The following UST variants were observed in gnomAD, a reference collection of about 807,000 sequenced individuals.
UST encodes chondroitin sulfate 2-O-sulfotransferase.
A neutral mutation model predicts 45.6 loss-of-function variants in UST; 21 were observed. The observed-to-expected ratio is 0.46, with a 90% confidence interval of 0.33 to 0.66. The LOEUF (loss-of-function observed/expected upper bound fraction) is 0.66, where lower values mean the gene tolerates loss of function less well. Ranked by LOEUF, UST falls within the 30% of genes least tolerant of loss-of-function variation. UST has a pLI of 0.02. For missense variants in UST, 463 were observed against 512.4 expected, an observed-to-expected ratio of 0.90 and a Z score of 0.93; for synonymous variants, 215 against 200.6, an observed-to-expected ratio of 1.07 and a Z score of -0.61.
At chr6:148,864,322 C>A (rs1778383310) in intron 1 of UST, among the ~76,000 whole-genome samples, 2 of 152,222 alleles carry the variant, frequency 1.3e-5, no homozygotes, top group Admixed American at 1.3e-4. Context: ...GATGTAATCT[C>A]CTGGTGTGCC....
intron 5 of UST, among the ~76,000 whole-genome samples, chr6:148,971,358 A>G (rs1194466072): frequency 6.6e-6 from 1 of 152,236 alleles, no homozygotes; most frequent in Non-Finnish European, 1.5e-5. Flanking sequence ...ATGTTGAGCT[A>G]AAATGGACAC....
chr6:148,806,496 C>CTTTT (rs10660534), intron 1 of UST, among the ~76,000 whole-genome samples: 2 of 147,540 alleles, frequency 1.4e-5, no homozygotes, highest in African/African-American at 5.0e-5. Context: ...ACACCACTGG[C>CTTTT]TTTTTTTTTT....
intron 2 of UST, among the ~76,000 whole-genome samples, chr6:148,936,747 G>T (rs1028476063): frequency 2.0e-5 from 3 of 152,008 alleles, no homozygotes; most frequent in Admixed American, 2.0e-4. Context: ...CCAGGCTGAA[G>T]TGCAATGGCG....
intron 1 of UST, among the ~76,000 whole-genome samples, chr6:148,785,691 G>A (rs1776721839): frequency 6.6e-6 from 1 of 152,068 alleles, no homozygotes; most frequent in Admixed American, 6.6e-5. Context: ...ACAACTAATC[G>A]TTTGGATGAG....
intron 2 of UST, among the ~76,000 whole-genome samples, chr6:148,912,400 C>A (rs9377173): frequency 0.11 from 16,967 of 152,248 alleles, 1,398 homozygotes; most frequent in East Asian, 0.41. Flanking sequence ...GGACGAAGGC[C>A]GAGCAGGCCC....
At chr6:148,800,058 A>G (rs1369873920) in intron 1 of UST, among the ~76,000 whole-genome samples, 1 of 152,210 alleles carries the variant, frequency 6.6e-6, no homozygotes, top group African/African-American at 2.4e-5. Context: ...CCTGATGAGG[A>G]AGATTCTTTA....
intron 5 of UST, among the ~76,000 whole-genome samples, chr6:148,966,443 A>G (rs1201594073): frequency 1.3e-5 from 2 of 152,138 alleles, no homozygotes; most frequent in African/African-American, 2.4e-5. Flanking sequence ...CAATTTTTTC[A>G]TAGTTCTGAT....
intron 2 of UST, among the ~76,000 whole-genome samples, chr6:148,906,488 C>T (rs891699029): frequency 5.3e-5 from 8 of 152,176 alleles, no homozygotes; most frequent in Admixed American, 6.5e-5. Context: ...TGAGGGTTAT[C>T]TAATTGATGT....
intron 5 of UST, among the ~76,000 whole-genome samples, chr6:149,011,967 TCTGCCATC>T (rs1775819037): frequency 1.3e-5 from 2 of 152,246 alleles, no homozygotes; most frequent in African/African-American, 4.8e-5. Context: ...AAATTCTTTA[TCTGCCATC>T]CTGCCATCAG....
At chr6:148,944,855 GA>G (rs893710762) in intron 3 of UST, among the ~76,000 whole-genome samples, 1 of 151,970 alleles carries the variant, frequency 6.6e-6, no homozygotes, top group African/African-American at 2.4e-5. Flanking sequence ...ATTATCTCTT[GA>G]AAAATGGAGA....
At chr6:148,855,572 A>G (rs897989328) in intron 1 of UST, among the ~76,000 whole-genome samples, 1 of 152,208 alleles carries the variant, frequency 6.6e-6, no homozygotes, top group Non-Finnish European at 1.5e-5. Context: ...AGAAAATTAA[A>G]TGGTAGTTTC....
chr6:148,978,846 TAA>T (rs986854968), intron 5 of UST, among the ~76,000 whole-genome samples: 1 of 151,230 alleles, frequency 6.6e-6, no homozygotes, highest in Admixed American at 6.6e-5. Flanking sequence ...AAAATTTTTT[TAA>T]AAAAAAATTG....
intron 2 of UST, among the ~76,000 whole-genome samples, chr6:148,940,484 C>A (rs1780104569): frequency 6.6e-6 from 1 of 151,948 alleles, no homozygotes; most frequent in East Asian, 1.9e-4. Context: ...AAGAGTGAGA[C>A]CCTGTCTAAA....
intron 4 of UST, among the ~76,000 whole-genome samples, chr6:148,963,369 CAG>C (rs148488236): frequency 6.6e-6 from 1 of 152,272 alleles, no homozygotes; most frequent in African/African-American, 2.4e-5. Context: ...GCCCTCTGCC[CAG>C]AGACTGGGGC....
chr6:149,021,107 G>A (rs1448662830), intron 6 of UST, among the ~76,000 whole-genome samples: 1 of 152,094 alleles, frequency 6.6e-6, no homozygotes, highest in East Asian at 1.9e-4. Context: ...ATGAAGCATG[G>A]ATGAAAGTGA....
chr6:148,779,732 A>G (rs908203679), intron 1 of UST, among the ~76,000 whole-genome samples: 5 of 152,366 alleles, frequency 3.3e-5, no homozygotes, highest in African/African-American at 9.6e-5. Flanking sequence ...TTTTGGTCAA[A>G]TAAGTTTACA....
intron 7 of UST, among the ~76,000 whole-genome samples, chr6:149,065,287 G>C (rs1013783970): frequency 6.6e-6 from 1 of 152,216 alleles, no homozygotes; most frequent in East Asian, 1.9e-4. Context: ...AGTCTGGAGA[G>C]AGGCTGATTC....
intron 1 of UST, among the ~76,000 whole-genome samples, chr6:148,779,867 TC>T (rs1383151632): frequency 6.6e-6 from 1 of 152,116 alleles, no homozygotes; most frequent in Non-Finnish European, 1.5e-5. Context: ...CAGTGTTTTT[TC>T]CCCCTCCTGT....
intron 4 of UST, among the ~76,000 whole-genome samples, chr6:148,960,116 C>A (rs370353450): frequency 2.0e-5 from 3 of 152,196 alleles, no homozygotes; most frequent in Admixed American, 6.5e-5. Context: ...CGGCGAAACC[C>A]CATCTCTACT....
Sources: gnomAD v4.1 joint callset for allele counts (sites outside exome capture counted in the v4.1 genomes callset) on GRCh38, gnomAD v4.1.1 for gene constraint, MANE v1.5 for transcripts, NCBI Gene and HGNC (gene_info 2026-07-23, HGNC 2026-07-21) for gene names.